Variants in PHF24 observed in about 807,000 individuals in gnomAD.
The protein encoded by PHF24 is Galpha inhibitory interacting protein.
Under a neutral mutation model 42.6 loss-of-function variants are expected in PHF24, and 25 were observed. The observed-to-expected ratio is 0.59, with a 90% CI of 0.43 to 0.82. The LOEUF (loss-of-function observed/expected upper bound fraction) is 0.82. Among genes scored for constraint, PHF24 ranks in the 40% least tolerant of loss-of-function variants. The probability of loss-of-function intolerance (pLI) is 0.00; values close to 1 mark genes in which losing one functional copy is unlikely to be tolerated. For synonymous variants in PHF24, 185 were observed against 204.8 expected (o/e 0.90, Z 0.83); for missense variants, 470 against 538.1 (o/e 0.87, Z 1.25).
At chr9:34,709,281 T>C in the PHF24 span, 1 of 1,262,600 alleles carries the variant, frequency 7.9e-7, no homozygotes, top group South Asian at 1.3e-5. Flanking sequence ...AAGGCCAGCA[T>C]GGGGTGGCTG....
the PHF24 span, among the ~76,000 whole-genome samples, chr9:34,935,792 T>C: frequency 1.8e-4 from 27 of 151,626 alleles, no homozygotes; most frequent in Non-Finnish European, 3.7e-4. Context: ...ATTTGTGTAC[T>C]GATGAGAATG....
At chr9:34,823,749 C>T in the PHF24 span, among the ~76,000 whole-genome samples, 1 of 152,176 alleles carries the variant, frequency 6.6e-6, no homozygotes, top group African/African-American at 2.4e-5. Context: ...TCTCTGCCCA[C>T]ACTCTGGTCT....
intron 3 of PHF24, 65 bp downstream of exon 3, chr9:34,972,596 A>T (rs2132908837): frequency 6.8e-7 from 1 of 1,466,108 alleles, no homozygotes; most frequent in East Asian, 2.4e-5. Flanking sequence ...GTCTTAGAAC[A>T]CTTGATTTTA....
the PHF24 span, among the ~76,000 whole-genome samples, chr9:34,739,537 G>A: frequency 2.0e-5 from 3 of 152,190 alleles, no homozygotes; most frequent in African/African-American, 7.2e-5. Flanking sequence ...GAGGCTCACG[G>A]TGAGTGTTAC....
chr9:34,826,527 G>T, the PHF24 span, among the ~76,000 whole-genome samples: 34 of 152,264 alleles, frequency 2.2e-4, no homozygotes, highest in African/African-American at 7.7e-4. Context: ...TGTGTCCCTT[G>T]CCCTCCCTGC....
the PHF24 span, among the ~76,000 whole-genome samples, chr9:34,764,735 T>C: frequency 1.3e-5 from 2 of 152,194 alleles, no homozygotes; most frequent in Admixed American, 6.5e-5. Flanking sequence ...TCTTGCCTTC[T>C]GCTAGCTTTT....
chr9:34,825,814 C>G, the PHF24 span, among the ~76,000 whole-genome samples: 1 of 152,178 alleles, frequency 6.6e-6, no homozygotes, highest in African/African-American at 2.4e-5. Flanking sequence ...GCCCTGGCCC[C>G]TCACCGTATC....
chr9:34,688,190 G>A, the PHF24 span, among the ~76,000 whole-genome samples: 1 of 152,124 alleles, frequency 6.6e-6, no homozygotes, highest in South Asian at 2.1e-4. Context: ...GCCTGGTTTT[G>A]TTGCTGGCTG....
At chr9:34,807,859 C>T in the PHF24 span, among the ~76,000 whole-genome samples, 1 of 151,960 alleles carries the variant, frequency 6.6e-6, no homozygotes, top group South Asian at 2.1e-4. Context: ...AGAACAGTGC[C>T]TAGACACCAC....
intron 1 of PHF24, among the ~76,000 whole-genome samples, chr9:34,963,862 T>C (rs1826680526): frequency 6.6e-6 from 1 of 152,094 alleles, no homozygotes. Flanking sequence ...TAGAATTGAG[T>C]TTTGGAGATT....
chr9:34,835,527 A>G, the PHF24 span: 1 of 1,551,828 alleles, frequency 6.4e-7, no homozygotes, highest in Non-Finnish European at 8.7e-7. Context: ...GACAGCAAGG[A>G]GACCTGGAAA....
At chr9:34,767,553 C>A in the PHF24 span, among the ~76,000 whole-genome samples, 1 of 152,212 alleles carries the variant, frequency 6.6e-6, no homozygotes, top group African/African-American at 2.4e-5. Context: ...TTAAGCCCGT[C>A]GGAAAGGCGC....
the PHF24 span, among the ~76,000 whole-genome samples, chr9:34,888,359 C>T: frequency 6.6e-6 from 1 of 152,162 alleles, no homozygotes; most frequent in Non-Finnish European, 1.5e-5. Context: ...TAGTGCCTGC[C>T]ACATAGCAAG....
chr9:34,829,427 G>T, the PHF24 span, among the ~76,000 whole-genome samples: 1 of 152,196 alleles, frequency 6.6e-6, no homozygotes, highest in Non-Finnish European at 1.5e-5. Flanking sequence ...CTCCCCTGGG[G>T]CAAGGCTTGT....
chr9:34,893,581 A>G, the PHF24 span, among the ~76,000 whole-genome samples: 2 of 151,894 alleles, frequency 1.3e-5, no homozygotes, highest in Admixed American at 6.6e-5. Context: ...AGCCTGGGCA[A>G]CAAGAGTGAA....
At chr9:34,861,125 G>A in the PHF24 span, among the ~76,000 whole-genome samples, 1 of 152,192 alleles carries the variant, frequency 6.6e-6, no homozygotes, top group African/African-American at 2.4e-5. Flanking sequence ...AAAATGCATA[G>A]TGTGCCTATT....
At chr9:34,860,044 A>G in the PHF24 span, among the ~76,000 whole-genome samples, 3 of 152,120 alleles carry the variant, frequency 2.0e-5, no homozygotes, top group Non-Finnish European at 2.9e-5. Flanking sequence ...TGCAAATTCT[A>G]GCTGCCTAAC....
At chr9:34,694,336 A>AT in the PHF24 span, among the ~76,000 whole-genome samples, 119 of 143,924 alleles carry the variant, frequency 8.3e-4, 1 homozygote, top group Non-Finnish European at 1.4e-3. Context: ...CGCTTGGCTA[A>AT]TTTTTTTTTT....
At chr9:34,942,789 G>A in the PHF24 span, among the ~76,000 whole-genome samples, 2 of 152,122 alleles carry the variant, frequency 1.3e-5, no homozygotes, top group South Asian at 4.1e-4. Context: ...TCATAGGTGG[G>A]AATTGACAGT....
Sources: allele counts gnomAD v4.1 joint callset (sites outside exome capture counted in the v4.1 genomes callset), GRCh38; gene constraint gnomAD v4.1.1; transcripts MANE v1.5; gene names NCBI Gene and HGNC (gene_info 2026-07-23, HGNC 2026-07-21).